Variants in ZNF2 observed in about 807,000 individuals in gnomAD.
ZNF2 encodes zinc finger protein 2.
A neutral mutation model predicts 21.9 loss-of-function variants in ZNF2; 12 were observed. That is an observed-to-expected ratio of 0.55 (90% CI 0.35 to 0.89). The LOEUF is 0.89. Among genes scored for constraint, ZNF2 ranks in the 40% least tolerant of loss-of-function variants. The probability of loss-of-function intolerance (pLI) is 0.01; values close to 1 mark genes in which losing one functional copy is unlikely to be tolerated. For synonymous variants in ZNF2, 186 were observed against 196.3 expected, an observed-to-expected ratio of 0.95 and a Z score of 0.44; for missense variants, 462 against 544.2, an observed-to-expected ratio of 0.85 and a Z score of 1.50.
chr2:95,166,103 A>G (rs1417788644), intron 1 of ZNF2, among the ~76,000 whole-genome samples: 1 of 151,038 alleles, frequency 6.6e-6, no homozygotes, highest in Non-Finnish European at 1.5e-5. Context: ...TTAAGGTTGG[A>G]GGTTTGGAGT....
chr2:95,169,926 A>G (rs568829470), intron 1 of ZNF2, among the ~76,000 whole-genome samples: 1 of 152,342 alleles, frequency 6.6e-6, no homozygotes, highest in East Asian at 1.9e-4. Context: ...GATAACTGCA[A>G]GAGATATTAC....
Position 95,183,402 on chromosome 2 carries a change from A to C in ZNF2, c.*1296A>C, listed in dbSNP as rs2104513613. The C allele has an allele frequency of 6.6e-6, 1 of 152,260 alleles. No individual in the cohort carries two copies. Among genetic ancestry groups the C allele is most frequent in the South Asian group, 2.1e-4 (1 of 4,828 alleles). 9.4% of individuals were successfully genotyped at this position (152,260 alleles called of 1,614,324 possible). ...CCTCGAAAGTTGGTTAATACCAAGA[A>C]CCTCTCTCACAGTTATATTTTGCAT... On this transcript the variant is annotated 3_prime_UTR_variant, in exon 5 of 5. Transcript: ENST00000614034.
At chr2:95,180,106 ATAT>A (rs1674586567) in intron 3 of ZNF2, 50 bp from the exon 4 acceptor site, 4 of 1,250,492 alleles carry the variant, frequency 3.2e-6, no homozygotes, top group African/African-American at 3.0e-5. Flanking sequence ...TGGGAGAGTG[ATAT>A]TATTTTCATC....
chr2:95,177,485 A>T lies in ZNF2; in HGVS notation c.36A>T (p.Glu12Asp). The stretch of plus-strand genomic sequence containing the variant: ...GGAGAATGTGATTGTATTTTCAGGA[A>T]TCAGTGACATTCGAAGACGTTGCCG... ...AAVSPTTRCQESVTFEDVAVV... is the reference protein window; with the variant it reads ...AAVSPTTRCQDSVTFEDVAVV... Residue 12 changes from glutamate to aspartate, a missense_variant and splice_region_variant, in exon 3 of 5, where the codon GAA (glutamate) becomes GAT (aspartate). Coordinates refer to ENST00000614034, the MANE Select transcript of ZNF2 (RefSeq NM_021088.4). 4 of 1,613,768 alleles carry T rather than the reference A, an allele frequency of 2.5e-6. No homozygotes were observed. Among genetic ancestry groups the T allele is most frequent in the Non-Finnish European group, 2.5e-6 (3 of 1,179,804 alleles).
intron 1 of ZNF2, among the ~76,000 whole-genome samples, chr2:95,166,447 C>T (rs759318875): frequency 6.6e-6 from 1 of 151,956 alleles, no homozygotes. Flanking sequence ...AGCCAGGGCC[C>T]GGGACTCAGA....
chr2:95,183,389 G>C lies in ZNF2; in HGVS notation c.*1283G>C, dbSNP rs1674747483. The C allele has an allele frequency of 6.6e-6, 1 of 152,160 alleles. No homozygotes were observed. Among genetic ancestry groups the C allele is most frequent in the African/African-American group, 2.4e-5 (1 of 41,420 alleles). 9.4% of individuals were successfully genotyped at this position (152,160 alleles called of 1,614,324 possible). On this transcript the variant is annotated 3_prime_UTR_variant, in exon 5 of 5. Transcript: ENST00000614034. ...AAGTAAACAAGCACCTCGAAAGTTG[G>C]TTAATACCAAGAACCTCTCTCACAG...
Position 95,181,840 on chromosome 2 carries a change from G to C in ZNF2, c.1012G>C (p.Asp338His), listed in dbSNP as rs1439324585. Reference protein sequence around the residue: ...LNRHQKAHAGDPRYQCNECGK... With the variant: ...LNRHQKAHAGHPRYQCNECGK... ...TAGACATCAGAAAGCTCATGCTGGG[G>C]ACCCTCGCTATCAGTGTAACGAGTG... is the stretch of plus-strand genomic sequence containing the variant. The change falls in exon 5 of 5, where the codon GAC becomes CAC. Residue 338 changes from aspartate (D) to histidine (H), a missense_variant. Transcript: ENST00000614034. 72 of 1,614,094 alleles carry C rather than the reference G, an allele frequency of 4.5e-5. 1 individual carries two copies. The Admixed American group carries it at 1.2e-3, about 27-fold the overall frequency.
In ZNF2 at chr2:95,180,165, C is replaced by T. The variant is rs1209379450; in HGVS notation, c.167C>T (p.Pro56Leu). 1 of 1,612,472 alleles carries T rather than the reference C, an allele frequency of 6.2e-7. No homozygotes were observed. Among genetic ancestry groups the T allele is most frequent in the Admixed American group, 1.7e-5 (1 of 59,972 alleles). The change falls in exon 4 of 5, where the codon CCA becomes CTA. Residue 56 changes from proline (P) to leucine (L), a missense_variant. Coordinates refer to ENST00000614034, the MANE Select transcript of ZNF2 (RefSeq NM_021088.4). Reference protein sequence around the residue: ...NYNSIVSLGLPVPQPDVIFQL... With the variant: ...NYNSIVSLGLLVPQPDVIFQL... ...TTTCTTTCTCTTTGAGCAGGCCTTC[C>T]AGTTCCTCAACCTGATGTGATTTTC...
Position 95,182,795 on chromosome 2 carries a change from C to T in ZNF2, c.*689C>T, listed in dbSNP as rs188774227. 2.0e-5 allele frequency: 3 copies of T among 152,688 alleles called. No homozygotes were observed. Among genetic ancestry groups the T allele is most frequent in the South Asian group, 2.1e-4 (1 of 4,818 alleles). 9.5% of individuals were successfully genotyped at this position (152,688 alleles called of 1,614,324 possible). A position where few individuals can be genotyped will look rare whatever the true frequency, so the allele number is the denominator to read the frequency against. ...ATGCCAGGTCTTGAAGACAGGTCCA[C>T]CTTCAAAATCTATTCTCTTTACCAT... On this transcript the variant is annotated 3_prime_UTR_variant, in exon 5 of 5. Coordinates refer to ENST00000614034, the MANE Select transcript of ZNF2 (RefSeq NM_021088.4).
chr2:95,176,361 C>T, intron 2 of ZNF2, 102 bp downstream of exon 2: 3 of 1,385,982 alleles, frequency 2.2e-6, no homozygotes, highest in Non-Finnish European at 3.1e-6. Flanking sequence ...CCCAGCCAGG[C>T]AGATGAAGGA....
chr2:95,181,942 A>C lies in ZNF2; in HGVS notation c.1114A>C (p.Ser372Arg). The C allele has an allele frequency of 6.2e-7, 1 of 1,614,264 alleles. No individual in the cohort carries two copies. The highest frequency in any genetic ancestry group is 8.5e-7 in the Non-Finnish European group (1 of 1,180,050). Residue 372 changes from serine to arginine, a missense_variant, in exon 5 of 5, where the codon AGC becomes CGC. Ser to Arg is a moderately radical substitution (Grantham distance 110). Transcript: ENST00000614034. The stretch of plus-strand genomic sequence containing the variant: ...CACTGGAGACAAGCCATATGAATGC[A>C]GCGAATGCGGGAAAGCCTTTAGCCA... ...IHTGDKPYECSECGKAFSQRC... is the reference protein window; with the variant it reads ...IHTGDKPYECRECGKAFSQRC...
chr2:95,176,935 A>G (rs558259414), intron 2 of ZNF2, among the ~76,000 whole-genome samples: 9 of 152,100 alleles, frequency 5.9e-5, no homozygotes, highest in Non-Finnish European at 1.2e-4. Context: ...AAAAAAGACA[A>G]TTGGTGAAAT....
At chr2:95,170,260 C>T (rs972890824) in intron 1 of ZNF2, among the ~76,000 whole-genome samples, 1 of 152,188 alleles carries the variant, frequency 6.6e-6, no homozygotes, top group Non-Finnish European at 1.5e-5. Flanking sequence ...TTTATATCTG[C>T]CTCCTCCCAG....
At position 95,182,821 on chromosome 2, in the gene ZNF2, T is replaced by C. The variant is rs1265473272; in HGVS notation, c.*715T>C. 1 of 152,464 alleles carries C rather than the reference T, an allele frequency of 6.6e-6. No homozygotes were observed. The highest frequency in any genetic ancestry group is 1.5e-5 in the Non-Finnish European group (1 of 68,036). 9.4% of individuals were successfully genotyped at this position (152,464 alleles called of 1,614,324 possible). ...CTTCAAAATCTATTCTCTTTACCAT[T>C]ATGCTCGATGGTTTGTTTGTTTTAT... On this transcript the variant is annotated 3_prime_UTR_variant, in exon 5 of 5. Transcript: ENST00000614034.
chr2:95,177,582 GAGA>G lies in ZNF2; in HGVS notation c.135_137del (p.Glu45_Asn46delinsAsp). ...GGACCTCTACAAGGAGGTGATGCTGGAGAACTATAACAGCATTGTGTCATTGGG... is the reference window on the plus strand; with the variant it reads ...GGACCTCTACAAGGAGGTGATGCTGGACTATAACAGCATTGTGTCATTGGG... On this transcript the variant is annotated inframe_deletion, in exon 3 of 5. Transcript: ENST00000614034. 1 of 1,614,020 alleles carries G rather than the reference GAGA, an allele frequency of 6.2e-7. No homozygotes were observed.
intron 3 of ZNF2, 24 bp downstream of exon 3, chr2:95,177,633 G>T (rs777411511): frequency 6.2e-7 from 1 of 1,610,132 alleles, no homozygotes; most frequent in Admixed American, 1.7e-5. Flanking sequence ...CCATGAGGAG[G>T]TACAGTCTGT....
At position 95,180,281 on chromosome 2, in the gene ZNF2, G is replaced by C. The variant is rs1674595518; in HGVS notation, c.274+9G>C. ...AGAGAGTGTCTCTCTAGGTAACTGA[G>C]TGTGAACAAGACAGAATGGAATTTT... On this transcript the variant is annotated intron_variant, in intron 4 of 4. Coordinates refer to ENST00000614034, the MANE Select transcript of ZNF2 (RefSeq NM_021088.4). 1.9e-6 allele frequency: 3 copies of C among 1,581,092 alleles called. No homozygotes were observed. Among genetic ancestry groups the C allele is most frequent in the Non-Finnish European group, 2.6e-6 (3 of 1,151,100 alleles).
At chr2:95,173,853 C>T (rs1395765867) in intron 1 of ZNF2, among the ~76,000 whole-genome samples, 1 of 152,190 alleles carries the variant, frequency 6.6e-6, no homozygotes, top group Non-Finnish European at 1.5e-5. Context: ...GGACTAAAGG[C>T]ACACGCCACC....
intron 1 of ZNF2, among the ~76,000 whole-genome samples, chr2:95,172,282 C>T (rs1460078417): frequency 6.6e-6 from 1 of 152,184 alleles, no homozygotes; most frequent in African/African-American, 2.4e-5. Context: ...TAGTAGACCA[C>T]CGTTATCTCT....
Sources: allele counts gnomAD v4.1 joint callset (sites outside exome capture counted in the v4.1 genomes callset), GRCh38; gene constraint gnomAD v4.1.1; transcripts MANE v1.5; gene names NCBI Gene and HGNC (gene_info 2026-07-23, HGNC 2026-07-21).